The following SV2C variants were observed in gnomAD, a reference collection of about 807,000 sequenced individuals.
SV2C encodes the protein synaptic vesicle glycoprotein 2C.
Under a neutral mutation model 79.7 loss-of-function variants are expected in SV2C, and 49 were observed. That is an observed-to-expected ratio of 0.61 (90% CI 0.49 to 0.78). The LOEUF (loss-of-function observed/expected upper bound fraction) is 0.78. Ranked by LOEUF, SV2C falls within the 30% of genes least tolerant of loss-of-function variation. SV2C has a pLI of 0.00. For missense variants in SV2C, 833 were observed against 912.9 expected (o/e 0.91, Z 1.13); for synonymous variants, 334 against 333.2 (o/e 1.00, Z -0.03).
At chr5:75,929,747 A>G in the SV2C span, among the ~76,000 whole-genome samples, 24 of 152,088 alleles carry the variant, frequency 1.6e-4, no homozygotes, top group Non-Finnish European at 2.6e-4. Context: ...CATCTTAATC[A>G]CTTTATAGAA....
chr5:76,348,412 A>G (rs173504), intron 12 of SV2C, among the ~76,000 whole-genome samples: 136,676 of 152,258 alleles, frequency 0.9, 62,783 homozygotes, highest in African/African-American at 0.97. Context: ...TCCATATGCA[A>G]GTTTTTGTAT....
chr5:76,054,219 C>T, the SV2C span, among the ~76,000 whole-genome samples: 1 of 152,156 alleles, frequency 6.6e-6, no homozygotes, highest in Admixed American at 6.5e-5. Flanking sequence ...GTTCCACACC[C>T]ACTTATGAGT....
the SV2C span, among the ~76,000 whole-genome samples, chr5:75,902,625 A>G: frequency 0.015 from 2,346 of 152,304 alleles, 56 homozygotes; most frequent in African/African-American, 0.052. Flanking sequence ...CAAACTGTGA[A>G]ATCTGTTTCC....
At chr5:76,171,795 C>G (rs1485279885) in intron 2 of SV2C, among the ~76,000 whole-genome samples, 1 of 123,518 alleles carries the variant, frequency 8.1e-6, no homozygotes, top group East Asian at 3.0e-4. Flanking sequence ...GCCGCCCCGT[C>G]CGGGAGGTGA....
At chr5:76,139,515 T>C (rs1749182457) in intron 2 of SV2C, among the ~76,000 whole-genome samples, 1 of 152,178 alleles carries the variant, frequency 6.6e-6, no homozygotes, top group African/African-American at 2.4e-5. Flanking sequence ...TTTTTTTCTA[T>C]CAGTCGTGGT....
intron 2 of SV2C, among the ~76,000 whole-genome samples, chr5:76,163,308 C>T (rs930529271): frequency 1.3e-5 from 2 of 152,310 alleles, no homozygotes; most frequent in South Asian, 2.1e-4. Context: ...CAGTTCCTGA[C>T]ATTATAAAGC....
At chr5:76,158,980 T>A (rs2112244637) in intron 2 of SV2C, among the ~76,000 whole-genome samples, 1 of 152,176 alleles carries the variant, frequency 6.6e-6, no homozygotes, top group South Asian at 2.1e-4. Flanking sequence ...GCCCTGTTGG[T>A]TTAACATCCC....
At chr5:76,310,397 C>T (rs1053484300) in intron 12 of SV2C, among the ~76,000 whole-genome samples, 22 of 152,182 alleles carry the variant, frequency 1.4e-4, no homozygotes, top group South Asian at 4.1e-4. Flanking sequence ...GCAGAGGCAA[C>T]AGCAGGTGCA....
At chr5:76,111,305 C>G (rs922424608) in intron 1 of SV2C, among the ~76,000 whole-genome samples, 4 of 151,938 alleles carry the variant, frequency 2.6e-5, no homozygotes, top group Admixed American at 6.6e-5. Context: ...CTCTTTCTTT[C>G]TTTTATATCT....
At chr5:76,276,207 T>G (rs2937748) in intron 4 of SV2C, among the ~76,000 whole-genome samples, 21,936 of 152,172 alleles carry the variant, frequency 0.14, 2,119 homozygotes, top group African/African-American at 0.27. Flanking sequence ...TAGTGATGGT[T>G]GTCAGTGTTT....
intron 12 of SV2C, among the ~76,000 whole-genome samples, chr5:76,316,918 A>G (rs1459974329): frequency 6.6e-6 from 1 of 152,164 alleles, no homozygotes; most frequent in African/African-American, 2.4e-5. Context: ...GTATGTTACC[A>G]TGATCTCGTC....
At chr5:76,075,722 CA>C in the SV2C span, 1,239 of 358,192 alleles carry the variant, frequency 3.5e-3, 21 homozygotes, top group African/African-American at 0.025. Context: ...AAGAAGGGCA[CA>C]AACTTCAATT....
the SV2C span, among the ~76,000 whole-genome samples, chr5:76,052,332 A>G: frequency 6.6e-6 from 1 of 152,248 alleles, no homozygotes. Flanking sequence ...GATTGCAGGC[A>G]TAAGGTAAAA....
chr5:75,921,033 C>T, the SV2C span: 1 of 726,618 alleles, frequency 1.4e-6, no homozygotes, highest in African/African-American at 1.7e-5. Flanking sequence ...CTAATCACCA[C>T]CCACCTGATG....
At chr5:76,121,967 G>A (rs1748516878) in intron 1 of SV2C, among the ~76,000 whole-genome samples, 1 of 152,046 alleles carries the variant, frequency 6.6e-6, no homozygotes. Flanking sequence ...GGGCAGTATG[G>A]CCATTTTCAC....
intron 1 of SV2C, among the ~76,000 whole-genome samples, chr5:76,127,850 T>C (rs1748761320): frequency 6.6e-6 from 1 of 152,128 alleles, no homozygotes; most frequent in Non-Finnish European, 1.5e-5. Flanking sequence ...TAATTTATAC[T>C]CCAGAGTTCC....
the SV2C span, among the ~76,000 whole-genome samples, chr5:76,051,857 T>C: frequency 2.0e-5 from 3 of 152,300 alleles, no homozygotes; most frequent in East Asian, 5.8e-4. Flanking sequence ...TTACTTTTCA[T>C]ATTAGAAAAA....
At chr5:75,877,350 A>G in the SV2C span, among the ~76,000 whole-genome samples, 5 of 152,058 alleles carry the variant, frequency 3.3e-5, no homozygotes, top group African/African-American at 1.2e-4. Flanking sequence ...TTCAATATCC[A>G]TTTTCAGTAG....
the SV2C span, among the ~76,000 whole-genome samples, chr5:75,958,848 C>T: frequency 6.6e-6 from 1 of 151,916 alleles, no homozygotes; most frequent in African/African-American, 2.4e-5. Flanking sequence ...GAAACCCTCT[C>T]CTTGACCTTT....
Sources: allele counts gnomAD v4.1 joint callset (sites outside exome capture counted in the v4.1 genomes callset), GRCh38; gene constraint gnomAD v4.1.1; transcripts MANE v1.5; gene names NCBI Gene and HGNC (gene_info 2026-07-23, HGNC 2026-07-21).